RGS7: variants seen among roughly 807,000 people sequenced by gnomAD.
The protein encoded by RGS7 is regulator of G protein signaling 7, also known as regulator of G-protein signaling 7.
A neutral mutation model predicts 81.1 loss-of-function variants in RGS7; 27 were observed. That is an observed-to-expected ratio of 0.33 (90% CI 0.25 to 0.46). RGS7 has a LOEUF of 0.46. Among genes scored for constraint, RGS7 ranks in the 20% least tolerant of loss-of-function variants. The probability of loss-of-function intolerance (pLI) is 1.00; values close to 1 mark genes in which losing one functional copy is unlikely to be tolerated. For missense variants in RGS7, 396 were observed against 607.4 expected (o/e 0.65, Z 3.66); for synonymous variants, 208 against 207.7 (o/e 1.00, Z -0.01).
chr1:241,052,300 G>A (rs1439255735), intron 3 of RGS7, among the ~76,000 whole-genome samples: 1 of 152,082 alleles, frequency 6.6e-6, no homozygotes, highest in Non-Finnish European at 1.5e-5. Flanking sequence ...AAGCGATCAA[G>A]GTTGTTAAGG....
At chr1:241,088,565 G>A (rs189710894) in intron 3 of RGS7, among the ~76,000 whole-genome samples, 1 of 152,040 alleles carries the variant, frequency 6.6e-6, no homozygotes, top group Admixed American at 6.5e-5. Flanking sequence ...CCTGATTGAC[G>A]TAATTTTCCT....
chr1:241,347,388 T>C (rs2082966107), intron 2 of RGS7, among the ~76,000 whole-genome samples: 1 of 152,198 alleles, frequency 6.6e-6, no homozygotes. Context: ...TGACCCTTCA[T>C]GACTACTACT....
At chr1:241,194,599 C>G (rs1005711708) in intron 2 of RGS7, among the ~76,000 whole-genome samples, 3 of 152,156 alleles carry the variant, frequency 2.0e-5, no homozygotes, top group African/African-American at 7.2e-5. Flanking sequence ...GGCTTTTGTT[C>G]TTTAAAAAAA....
At chr1:241,132,863 C>T (rs763931613) in intron 2 of RGS7, among the ~76,000 whole-genome samples, 127 of 152,122 alleles carry the variant, frequency 8.3e-4, no homozygotes, top group Non-Finnish European at 9.9e-4. Flanking sequence ...CCTGGGTTCA[C>T]GCCATTCTCC....
chr1:241,270,915 C>A (rs1314740365), intron 2 of RGS7, among the ~76,000 whole-genome samples: 1 of 116 alleles, frequency 8.6e-3, no homozygotes, highest in African/African-American at 0.028. Context: ...CCCACCACCA[C>A]GCCCGCTAAT....
At chr1:240,785,042 G>A (rs959536401) in intron 18 of RGS7, among the ~76,000 whole-genome samples, 1 of 152,176 alleles carries the variant, frequency 6.6e-6, no homozygotes, top group Non-Finnish European at 1.5e-5. Flanking sequence ...GTTGAAAAAT[G>A]CCTTTTCCAC....
intron 2 of RGS7, among the ~76,000 whole-genome samples, chr1:241,129,424 G>A (rs2066920822): frequency 6.7e-6 from 1 of 149,980 alleles, no homozygotes; most frequent in African/African-American, 2.5e-5. Flanking sequence ...ATCAGCATGG[G>A]ACCTTCCCAG....
intron 2 of RGS7, among the ~76,000 whole-genome samples, chr1:241,280,335 A>G (rs552325533): frequency 2.0e-5 from 3 of 152,186 alleles, no homozygotes; most frequent in Non-Finnish European, 4.4e-5. Context: ...ATTCTTCCTC[A>G]TGGCCTGCTG....
At chr1:241,100,052 C>A (rs1369996760) in intron 2 of RGS7, among the ~76,000 whole-genome samples, 1 of 151,712 alleles carries the variant, frequency 6.6e-6, no homozygotes, top group Non-Finnish European at 1.5e-5. Context: ...TTAAAAAAAA[C>A]ACAGTCTAAA....
At position 241,144,229 on chromosome 1, in the gene RGS7, C is replaced by A. The variant is rs1358453612; in HGVS notation, c.79-45467G>T. ...GTGTCTCCTGTTAAAAAATTCAAAT[C>A]CTCATCCAAATTGACATACATGTGC... On this transcript the variant is annotated intron_variant, in intron 2 of 18. Coordinates refer to ENST00000440928, the MANE Select transcript of RGS7 (RefSeq NM_001364886.1). This position sits in a 1 kb window ranked among gnomAD's most constrained non-coding sequence, Gnocchi z 4.7. 6.6e-6 allele frequency among the ~76,000 whole-genome samples: 1 copy of A among 152,104 alleles called. No homozygotes were observed. The highest frequency in any genetic ancestry group is 1.5e-5 in the Non-Finnish European group (1 of 68,026).
intron 2 of RGS7, among the ~76,000 whole-genome samples, chr1:241,127,614 G>A (rs2066760969): frequency 6.6e-6 from 1 of 152,036 alleles, no homozygotes; most frequent in African/African-American, 2.4e-5. Flanking sequence ...AATGGGTGCA[G>A]CACACCAACA....
chr1:241,210,542 T>C (rs931418997), intron 2 of RGS7, among the ~76,000 whole-genome samples: 1 of 152,164 alleles, frequency 6.6e-6, no homozygotes, highest in African/African-American at 2.4e-5. Flanking sequence ...ACATGAGAGT[T>C]TGAGTGAGGA....
At chr1:241,106,752 C>CACACACA (rs1553421292) in intron 2 of RGS7, among the ~76,000 whole-genome samples, 22 of 121,644 alleles carry the variant, frequency 1.8e-4, no homozygotes, top group African/African-American at 6.9e-4. Context: ...AACACCACCA[C>CACACACA]CACACACACA....
chr1:240,808,400 G>C (rs1689259682), intron 14 of RGS7, among the ~76,000 whole-genome samples: 2 of 152,170 alleles, frequency 1.3e-5, no homozygotes, highest in South Asian at 4.1e-4. Context: ...GGGTTGAGAA[G>C]TTAATAACCA....
chr1:241,278,680 C>T (rs2078327835), intron 2 of RGS7, among the ~76,000 whole-genome samples: 1 of 152,184 alleles, frequency 6.6e-6, no homozygotes, highest in African/African-American at 2.4e-5. Flanking sequence ...CCACTGCTCC[C>T]AACAATGGGT....
intron 4 of RGS7, among the ~76,000 whole-genome samples, chr1:240,938,476 A>G (rs1430892503): frequency 2.6e-5 from 4 of 152,172 alleles, no homozygotes; most frequent in Non-Finnish European, 5.9e-5. Context: ...GTAGCTAGCT[A>G]TGGTACAGCA....
chr1:240,799,995 G>T (rs1045241434), intron 18 of RGS7, among the ~76,000 whole-genome samples: 1 of 152,204 alleles, frequency 6.6e-6, no homozygotes, highest in Non-Finnish European at 1.5e-5. Flanking sequence ...TCTTCCCCAG[G>T]TTACATCACT....
chr1:241,273,178 C>CT (rs1553305850), intron 2 of RGS7, among the ~76,000 whole-genome samples: 1 of 110,520 alleles, frequency 9.0e-6, no homozygotes, highest in Admixed American at 9.2e-5. Context: ...ATAATGAACC[C>CT]CCCCCCCCAA....
chr1:240,976,337 G>A (rs1254393570), intron 4 of RGS7, among the ~76,000 whole-genome samples: 3 of 148,834 alleles, frequency 2.0e-5, no homozygotes, highest in Non-Finnish European at 4.5e-5. Flanking sequence ...GGGGTGGACT[G>A]TCAACAGAAG....
Sources: gnomAD v4.1 joint callset for allele counts (sites outside exome capture counted in the v4.1 genomes callset) on GRCh38, gnomAD v4.1.1 for gene constraint, Gnocchi (gnomAD v3.1) non-coding constraint, MANE v1.5 for transcripts, NCBI Gene and HGNC (gene_info 2026-07-23, HGNC 2026-07-21) for gene names.